DENND4C: variants seen among roughly 807,000 people sequenced by gnomAD.
DENND4C encodes the protein DENN domain containing 4C, also known as DENN domain-containing protein 4C.
A neutral mutation model predicts 203.0 loss-of-function variants in DENND4C; 108 were observed. The ratio of observed to expected loss-of-function variants is 0.53; its 90% confidence interval spans 0.46 to 0.62. DENND4C has a LOEUF of 0.62. Among genes scored for constraint, DENND4C ranks in the 20% least tolerant of loss-of-function variants. The pLI, the probability that DENND4C is intolerant of heterozygous loss-of-function variation, is 0.00. For missense variants in DENND4C, 2,481 were observed against 2,301.2 expected (o/e 1.08, Z -1.60); for synonymous variants, 871 against 792.4 (o/e 1.10, Z -1.67).
chr9:19,341,317 T>TC (rs940451580), intron 21 of DENND4C, among the ~76,000 whole-genome samples: 3 of 149,146 alleles, frequency 2.0e-5, no homozygotes, highest in Non-Finnish European at 4.5e-5. Flanking sequence ...CTTTCTTTTT[T>TC]TTTTTTTTTT....
chr9:19,296,290 T>G, intron 6 of DENND4C, 44 bp downstream of exon 6: 1 of 1,265,974 alleles, frequency 7.9e-7, no homozygotes, highest in Non-Finnish European at 1.1e-6. Flanking sequence ...AAACTGGGTA[T>G]ATAAATATAT....
chr9:19,286,161 C>A (rs1835173477), intron 2 of DENND4C, among the ~76,000 whole-genome samples: 1 of 151,952 alleles, frequency 6.6e-6, no homozygotes, highest in Non-Finnish European at 1.5e-5. Flanking sequence ...GGGGGTATTG[C>A]CATCTTATCA....
intron 1 of DENND4C, among the ~76,000 whole-genome samples, chr9:19,232,028 C>A (rs1820697815): frequency 6.6e-6 from 1 of 151,972 alleles, no homozygotes; most frequent in African/African-American, 2.4e-5. Flanking sequence ...TGTGTACACG[C>A]GATAAGAGCA....
intron 1 of DENND4C, among the ~76,000 whole-genome samples, chr9:19,235,863 G>C (rs1326746607): frequency 2.0e-5 from 3 of 151,930 alleles, no homozygotes; most frequent in Non-Finnish European, 4.4e-5. Context: ...CTTCCAAAGT[G>C]CTGGGATTAC....
At chr9:19,307,544 T>C (rs763145244) in intron 10 of DENND4C, among the ~76,000 whole-genome samples, 1 of 151,848 alleles carries the variant, frequency 6.6e-6, no homozygotes, top group Non-Finnish European at 1.5e-5. Context: ...CCGAGGCAGA[T>C]GGATCACCTG....
At chr9:19,235,813 T>C (rs2131359071) in intron 1 of DENND4C, among the ~76,000 whole-genome samples, 1 of 152,128 alleles carries the variant, frequency 6.6e-6, no homozygotes, top group South Asian at 2.1e-4. Flanking sequence ...GGTTTCACCG[T>C]GGTCTCGATC....
intron 1 of DENND4C, among the ~76,000 whole-genome samples, chr9:19,259,216 C>G (rs1269721079): frequency 2.0e-5 from 3 of 151,958 alleles, no homozygotes; most frequent in Admixed American, 6.6e-5. Context: ...TTTTTGTATG[C>G]ATTAACCGTC....
chr9:19,342,579 T>C (rs561392650), intron 21 of DENND4C, 54 bp from the exon 22 acceptor site: 13 of 1,513,968 alleles, frequency 8.6e-6, no homozygotes, highest in Middle Eastern at 1.8e-4. Flanking sequence ...ATATATGGTT[T>C]CTGTTTAATA....
chr9:19,256,441 C>T (rs537419878), intron 1 of DENND4C, among the ~76,000 whole-genome samples: 5 of 151,348 alleles, frequency 3.3e-5, no homozygotes, highest in African/African-American at 1.2e-4. Flanking sequence ...CGCAGCCTCC[C>T]GAGTAGCTGG....
intron 1 of DENND4C, among the ~76,000 whole-genome samples, chr9:19,267,606 G>T (rs1386352688): frequency 6.6e-6 from 1 of 151,402 alleles, no homozygotes; most frequent in Non-Finnish European, 1.5e-5. Context: ...GTGTGATCAC[G>T]GATTACTGTG....
At chr9:19,251,139 G>T (rs943106410) in intron 1 of DENND4C, among the ~76,000 whole-genome samples, 2 of 152,242 alleles carry the variant, frequency 1.3e-5, no homozygotes, top group Non-Finnish European at 2.9e-5. Context: ...TGCCCATCCA[G>T]GCATTTCCAT....
Position 19,252,055 on chromosome 9 carries a change from T to C in DENND4C, c.-18+21222T>C, listed in dbSNP as rs530712558. On this transcript the variant is annotated intron_variant, in intron 1 of 32. Coordinates refer to ENST00000434457, the MANE Select transcript of DENND4C (RefSeq NM_001330640.2). Reference sequence around the variant, plus strand: ...ACCAATTTACTGTATTAGTCTGTTCTCACGCTGCTAATAAAGGCATACCTG... The same window carrying C: ...ACCAATTTACTGTATTAGTCTGTTCCCACGCTGCTAATAAAGGCATACCTG... Among the ~76,000 whole-genome samples, 4 of 152,314 alleles carry C rather than the reference T, an allele frequency of 2.6e-5. No homozygotes were observed. In the South Asian group the frequency reaches 8.3e-4, roughly 32 times the overall value.
At chr9:19,313,344 C>T (rs1441725138) in intron 10 of DENND4C, among the ~76,000 whole-genome samples, 1 of 152,086 alleles carries the variant, frequency 6.6e-6, no homozygotes, top group Non-Finnish European at 1.5e-5. Flanking sequence ...AGTTCATCTA[C>T]CCACAGTAGC....
At chr9:19,350,546 G>GA (rs1430723146) in intron 23 of DENND4C, among the ~76,000 whole-genome samples, 156 bp from the exon 24 acceptor site, 2 of 152,180 alleles carry the variant, frequency 1.3e-5, no homozygotes, top group Non-Finnish European at 2.9e-5. Context: ...GTGTGGAAGT[G>GA]AAATAATAGT....
At chr9:19,301,064 G>A (rs1310789886) in intron 9 of DENND4C, among the ~76,000 whole-genome samples, 1 of 152,040 alleles carries the variant, frequency 6.6e-6, no homozygotes, top group Non-Finnish European at 1.5e-5. Flanking sequence ...TATAATCCCA[G>A]CTACTCAGGA....
intron 1 of DENND4C, among the ~76,000 whole-genome samples, chr9:19,252,351 G>C (rs1252682708): frequency 6.6e-6 from 1 of 152,072 alleles, no homozygotes; most frequent in Non-Finnish European, 1.5e-5. Context: ...ATGACATGTG[G>C]GAATTGTGGG....
chr9:19,364,287 T>C (rs1827150703), intron 30 of DENND4C, among the ~76,000 whole-genome samples: 1 of 152,224 alleles, frequency 6.6e-6, no homozygotes, highest in Admixed American at 6.5e-5. Context: ...TTAAAGATTG[T>C]TGAAGATGTT....
chr9:19,237,084 G>A (rs532974297), intron 1 of DENND4C, among the ~76,000 whole-genome samples: 2 of 152,204 alleles, frequency 1.3e-5, no homozygotes, highest in East Asian at 1.9e-4. Flanking sequence ...GCAATGGCAC[G>A]ATCTCGGCTC....
intron 29 of DENND4C, 25 bp from the exon 30 acceptor site, chr9:19,361,821 A>G: frequency 7.3e-7 from 1 of 1,364,246 alleles, no homozygotes; most frequent in Non-Finnish European, 1.0e-6. Context: ...TCGGGATACT[A>G]ATACTTTCTT....
Sources: gnomAD v4.1 joint callset for allele counts (sites outside exome capture counted in the v4.1 genomes callset) on GRCh38, gnomAD v4.1.1 for gene constraint, MANE v1.5 for transcripts, NCBI Gene and HGNC (gene_info 2026-07-23, HGNC 2026-07-21) for gene names.